The following MYH10 variants were observed in gnomAD, a reference collection of about 807,000 sequenced individuals.
The protein encoded by MYH10 is myosin-10.
In MYH10, 55 loss-of-function variants were observed where a neutral mutation model predicts 257.8. The ratio of observed to expected loss-of-function variants is 0.21; its 90% CI spans 0.17 to 0.27. The LOEUF is 0.27. Among genes scored for constraint, MYH10 ranks in the 10% least tolerant of loss-of-function variants. MYH10 has a pLI of 1.00. For missense variants in MYH10, 1,631 were observed against 2,500.6 expected (o/e 0.65, Z 7.42); for synonymous variants, 854 against 921.7 (o/e 0.93, Z 1.33).
chr17:8,549,371 C>T (rs1162699158), intron 9 of MYH10, among the ~76,000 whole-genome samples: 1 of 152,194 alleles, frequency 6.6e-6, no homozygotes, highest in Non-Finnish European at 1.5e-5. Context: ...GCGCAGCAGA[C>T]TATTGTAACA....
chr17:8,525,388 G>A (rs1289323162), intron 17 of MYH10, among the ~76,000 whole-genome samples: 2 of 152,240 alleles, frequency 1.3e-5, no homozygotes, highest in African/African-American at 2.4e-5. Context: ...TCAGGGCCCC[G>A]AAAGCTGTGC....
intron 4 of MYH10, among the ~76,000 whole-genome samples, chr17:8,582,961 A>G (rs1444751570): frequency 6.6e-6 from 1 of 152,218 alleles, no homozygotes; most frequent in African/African-American, 2.4e-5. Flanking sequence ...CACCAGATAC[A>G]TATTACCCCC....
intron 21 of MYH10, among the ~76,000 whole-genome samples, chr17:8,516,737 T>C (rs2081480431): frequency 6.6e-6 from 1 of 152,244 alleles, no homozygotes; most frequent in Non-Finnish European, 1.5e-5. Context: ...CTGCCATTGC[T>C]CACTCCTTAT....
intron 7 of MYH10, among the ~76,000 whole-genome samples, chr17:8,557,637 G>A (rs568529974): frequency 6.6e-6 from 1 of 152,268 alleles, no homozygotes; most frequent in African/African-American, 2.4e-5. Context: ...TCCATGAAGG[G>A]CCAGCTCCCA....
At chr17:8,597,898 G>A (rs746063313) in intron 3 of MYH10, among the ~76,000 whole-genome samples, 1 of 152,036 alleles carries the variant, frequency 6.6e-6, no homozygotes, top group South Asian at 2.1e-4. Flanking sequence ...GATTACAGGC[G>A]TGACCCACTG....
intron 2 of MYH10, among the ~76,000 whole-genome samples, chr17:8,607,615 T>C (rs945104866): frequency 2.0e-5 from 3 of 152,354 alleles, no homozygotes; most frequent in Middle Eastern, 3.4e-3. Flanking sequence ...ACTGAATAGA[T>C]ACTGCACCAG....
intron 25 of MYH10, among the ~76,000 whole-genome samples, 185 bp from the exon 26 acceptor site, chr17:8,508,862 C>A (rs774104168): frequency 6.6e-6 from 1 of 152,200 alleles, no homozygotes; most frequent in Non-Finnish European, 1.5e-5. Context: ...ACCGGATACA[C>A]GACAGTGGTC....
chr17:8,503,466 A>T (rs2080975071), intron 28 of MYH10, among the ~76,000 whole-genome samples: 1 of 152,006 alleles, frequency 6.6e-6, no homozygotes, highest in South Asian at 2.1e-4. Flanking sequence ...AAACATTCCA[A>T]GGCTCACCCC....
intron 17 of MYH10, among the ~76,000 whole-genome samples, chr17:8,524,075 T>C (rs963583459): frequency 6.6e-6 from 1 of 152,010 alleles, no homozygotes; most frequent in Non-Finnish European, 1.5e-5. Context: ...TCAACTTTTA[T>C]CTAGGGGAGA....
At chr17:8,616,260 G>A (rs1260198596) in intron 2 of MYH10, among the ~76,000 whole-genome samples, 1 of 151,922 alleles carries the variant, frequency 6.6e-6, no homozygotes, top group East Asian at 1.9e-4. Context: ...TCCAGCCTGG[G>A]TGACAGAGCA....
At chr17:8,488,238 C>A (rs576066808) in intron 35 of MYH10, among the ~76,000 whole-genome samples, 35 of 152,296 alleles carry the variant, frequency 2.3e-4, no homozygotes, top group African/African-American at 7.7e-4. Flanking sequence ...CACTCAGCCT[C>A]CTAGTGTGCA....
chr17:8,510,213 A>AT (rs1010905136), intron 24 of MYH10, among the ~76,000 whole-genome samples: 16 of 146,448 alleles, frequency 1.1e-4, no homozygotes, highest in African/African-American at 2.0e-4. Context: ...TAATTTTTTG[A>AT]TTTTTTTTTT....
intron 7 of MYH10, among the ~76,000 whole-genome samples, chr17:8,566,147 C>A (rs968805831): frequency 2.8e-4 from 43 of 152,230 alleles, no homozygotes; most frequent in African/African-American, 9.9e-4. Context: ...TCTCCAGACA[C>A]CGCCAACGTC....
At chr17:8,544,975 C>T (rs1180766542) in intron 13 of MYH10, among the ~76,000 whole-genome samples, 1 of 152,234 alleles carries the variant, frequency 6.6e-6, no homozygotes, top group Non-Finnish European at 1.5e-5. Context: ...TGTTCTACTA[C>T]AGTGGCCCCC....
At chr17:8,541,098 G>A (rs553512623) in intron 14 of MYH10, among the ~76,000 whole-genome samples, 2 of 152,230 alleles carry the variant, frequency 1.3e-5, no homozygotes, top group African/African-American at 4.8e-5. Flanking sequence ...CTCTAATAGG[G>A]GTGAATGTCT....
At chr17:8,628,097 C>T (rs1033885737) in intron 1 of MYH10, among the ~76,000 whole-genome samples, 2 of 152,116 alleles carry the variant, frequency 1.3e-5, no homozygotes, top group African/African-American at 4.8e-5. Context: ...AAAGTATAGG[C>T]TTAACCAATG....
intron 17 of MYH10, among the ~76,000 whole-genome samples, chr17:8,521,672 G>T (rs568476120): frequency 6.6e-6 from 1 of 152,300 alleles, no homozygotes; most frequent in South Asian, 2.1e-4. Context: ...ATAGGAAATG[G>T]CTCATAAAAA....
intron 14 of MYH10, among the ~76,000 whole-genome samples, chr17:8,539,185 T>C (rs749858298): frequency 5.3e-5 from 8 of 152,148 alleles, no homozygotes; most frequent in Non-Finnish European, 1.0e-4. Context: ...AAGAAATCAA[T>C]TTCTTTTCTT....
At chr17:8,491,895 A>G (rs1915829574) in intron 34 of MYH10, among the ~76,000 whole-genome samples, 1 of 152,220 alleles carries the variant, frequency 6.6e-6, no homozygotes, top group Non-Finnish European at 1.5e-5. Flanking sequence ...CCCTGGGAAG[A>G]ACCAGGTCAG....
Sources: allele counts gnomAD v4.1 joint callset (sites outside exome capture counted in the v4.1 genomes callset), GRCh38; gene constraint gnomAD v4.1.1; transcripts MANE v1.5; gene names NCBI Gene and HGNC (gene_info 2026-07-23, HGNC 2026-07-21).